ITPR2: variants seen among roughly 807,000 people sequenced by gnomAD.
The protein encoded by ITPR2 is inositol 1,4,5-trisphosphate receptor type 2, also known as inositol 1,4,5-trisphosphate-gated calcium channel ITPR2.
In ITPR2, 207 loss-of-function variants were observed where a neutral mutation model predicts 317.1. The ratio of observed to expected loss-of-function variants is 0.65; its 90% CI spans 0.58 to 0.73. The LOEUF is 0.73. Ranked by LOEUF, ITPR2 falls within the 30% of genes least tolerant of loss-of-function variation. The pLI is 0.00. For synonymous variants in ITPR2, 1,156 were observed against 1,149.1 expected (o/e 1.01, Z -0.12); for missense variants, 2,613 against 3,284.0 (o/e 0.80, Z 4.99).
At chr12:26,544,368 G>A (rs1367864793) in intron 37 of ITPR2, among the ~76,000 whole-genome samples, 1 of 152,050 alleles carries the variant, frequency 6.6e-6, no homozygotes, top group Non-Finnish European at 1.5e-5. Context: ...TAATTGACCA[G>A]TAGGTAAAAT....
At chr12:26,396,145 T>C (rs1022333272) in intron 54 of ITPR2, among the ~76,000 whole-genome samples, 4 of 151,936 alleles carry the variant, frequency 2.6e-5, no homozygotes, top group African/African-American at 9.7e-5. Flanking sequence ...CACACATACA[T>C]CTATTGTGAA....
intron 26 of ITPR2, among the ~76,000 whole-genome samples, chr12:26,609,945 G>A (rs7139086): frequency 0.3 from 46,095 of 152,082 alleles, 7,177 homozygotes; most frequent in Middle Eastern, 0.48. Context: ...TCAGTGGAAT[G>A]AGCTCAGACA....
rs1358465231 is a variant in ITPR2 at position 26,589,796 on chromosome 12, AAT to A, written c.4380+5667_4380+5668del. Among the ~76,000 whole-genome samples the A allele has an allele frequency of 1.4e-3, 69 of 49,328 alleles. 10 individuals carry two copies. The highest frequency in any genetic ancestry group is 3.5e-3 in the African/African-American group (65 of 18,348). The allele number at this position is 49,328 out of a possible 152,430, so 32.4% of individuals were successfully genotyped here. A position where few individuals can be genotyped will look rare whatever the true frequency, so the allele number is the denominator to read the frequency against. On this transcript the variant is annotated intron_variant, in intron 32 of 56. Transcript: ENST00000381340. Reference sequence around the variant, plus strand: ...AACGAAACTCTGTTTCAAAAAAAAAAATAAATAAATAAAAAATAAATAAATAA... The same window carrying A: ...AACGAAACTCTGTTTCAAAAAAAAAAAAATAAATAAAAAATAAATAAATAA...
At chr12:26,521,851 T>C (rs1311933124) in intron 37 of ITPR2, among the ~76,000 whole-genome samples, 1 of 152,212 alleles carries the variant, frequency 6.6e-6, no homozygotes, top group Non-Finnish European at 1.5e-5. Context: ...TATTCCCTGA[T>C]GATAATGAGC....
chr12:26,761,953 T>C (rs1466737691), intron 2 of ITPR2, among the ~76,000 whole-genome samples: 1 of 152,162 alleles, frequency 6.6e-6, no homozygotes, highest in Admixed American at 6.5e-5. Flanking sequence ...ATGTCTTAAC[T>C]GAAAAATTCC....
At chr12:26,703,384 GT>G in intron 9 of ITPR2, among the ~76,000 whole-genome samples, 1 of 152,188 alleles carries the variant, frequency 6.6e-6, no homozygotes, top group East Asian at 1.9e-4. Flanking sequence ...CAATGTCAAA[GT>G]AGTACTTCTA....
chr12:26,528,410 A>T (rs1360845305), intron 37 of ITPR2, among the ~76,000 whole-genome samples: 1 of 152,230 alleles, frequency 6.6e-6, no homozygotes, highest in East Asian at 1.9e-4. Context: ...CCAGAAAAAT[A>T]GTTTCTATCC....
intron 10 of ITPR2, among the ~76,000 whole-genome samples, chr12:26,689,892 T>G (rs370552352): frequency 1.4e-4 from 21 of 152,342 alleles, no homozygotes; most frequent in African/African-American, 4.6e-4. Context: ...AAAGGATGTT[T>G]GTTTTTAATG....
chr12:26,589,378 A>G (rs950992329), intron 32 of ITPR2, among the ~76,000 whole-genome samples: 1 of 152,174 alleles, frequency 6.6e-6, no homozygotes, highest in African/African-American at 2.4e-5. Context: ...AGCTTTACTC[A>G]AGGACAGACA....
intron 55 of ITPR2, among the ~76,000 whole-genome samples, chr12:26,342,539 G>T (rs1364268318): frequency 1.4e-5 from 2 of 141,818 alleles, no homozygotes; most frequent in Non-Finnish European, 3.0e-5. Context: ...TCAGGAATTG[G>T]CTTGGTGCCA....
chr12:26,618,683 T>A (rs1946426219), intron 26 of ITPR2, among the ~76,000 whole-genome samples: 1 of 152,224 alleles, frequency 6.6e-6, no homozygotes, highest in African/African-American at 2.4e-5. Context: ...GTGCACCAGG[T>A]GACATACAAC....
At chr12:26,634,553 T>C (rs922484876) in intron 21 of ITPR2, among the ~76,000 whole-genome samples, 1 of 152,128 alleles carries the variant, frequency 6.6e-6, no homozygotes, top group African/African-American at 2.4e-5. Context: ...ATGAGATAAT[T>C]TGAAAATATG....
At chr12:26,472,333 A>G (rs1192370605) in intron 45 of ITPR2, among the ~76,000 whole-genome samples, 2 of 152,212 alleles carry the variant, frequency 1.3e-5, no homozygotes, top group African/African-American at 4.8e-5. Context: ...TGAGGCTTAA[A>G]GTATTCAGCA....
chr12:26,764,101 G>T (rs891105939), intron 2 of ITPR2, among the ~76,000 whole-genome samples: 3 of 152,068 alleles, frequency 2.0e-5, no homozygotes, highest in African/African-American at 7.2e-5. Flanking sequence ...ATAAAATTAA[G>T]TAAAGGTAGT....
intron 9 of ITPR2, among the ~76,000 whole-genome samples, chr12:26,702,637 A>G (rs1313545607): frequency 1.3e-5 from 2 of 151,814 alleles, no homozygotes; most frequent in Admixed American, 6.6e-5. Context: ...GGGGGGTTTC[A>G]CCATATTGGC....
intron 13 of ITPR2, among the ~76,000 whole-genome samples, chr12:26,671,938 CA>C (rs1947782707): frequency 6.6e-6 from 1 of 151,986 alleles, no homozygotes; most frequent in Non-Finnish European, 1.5e-5. Context: ...CAACAAAGAT[CA>C]AAACAGACAA....
intron 49 of ITPR2, among the ~76,000 whole-genome samples, chr12:26,424,945 A>G (rs1383626055): frequency 6.6e-6 from 1 of 151,606 alleles, no homozygotes; most frequent in Non-Finnish European, 1.5e-5. Context: ...TTTTTAGTAG[A>G]GACAGGGTTT....
In ITPR2 at chr12:26,344,812, TCAAA is replaced by T. The variant is rs370063640; in HGVS notation, c.7858-4488_7858-4485del. On this transcript the variant is annotated intron_variant, in intron 55 of 56. Transcript: ENST00000381340. ...TAGTTCATAGGTGGAGAGTAAGACT[TCAAA>T]CAAAGGATGACAAAAGTAATGAGAA... Among the ~76,000 whole-genome samples the T allele has an allele frequency of 5.7e-3, 869 of 152,324 alleles. 5 individuals carry two copies. Among genetic ancestry groups the T allele is most frequent in the African/African-American group, 0.02 (815 of 41,572 alleles).
At chr12:26,774,773 TG>T (rs1565754142) in intron 2 of ITPR2, among the ~76,000 whole-genome samples, 2 of 152,246 alleles carry the variant, frequency 1.3e-5, no homozygotes, top group African/African-American at 2.4e-5. Flanking sequence ...CTCAACTTCC[TG>T]GATCTCTCTT....
Sources: allele counts gnomAD v4.1 joint callset (sites outside exome capture counted in the v4.1 genomes callset), GRCh38; gene constraint gnomAD v4.1.1; transcripts MANE v1.5; gene names NCBI Gene and HGNC (gene_info 2026-07-23, HGNC 2026-07-21).